BBS7: variants seen among roughly 807,000 people sequenced by gnomAD.
The protein encoded by BBS7 is Bardet-Biedl syndrome 7, also known as BBSome complex member BBS7.
BBS7 carries 50 observed loss-of-function variants against 90.3 expected under a neutral mutation model. The ratio of observed to expected loss-of-function variants is 0.55; its 90% CI spans 0.44 to 0.70. The LOEUF (loss-of-function observed/expected upper bound fraction) is 0.70. Among genes scored for constraint, BBS7 ranks in the 30% least tolerant of loss-of-function variants. BBS7 has a pLI of 0.00. For missense variants in BBS7, 729 were observed against 838.9 expected (o/e 0.87, Z 1.62); for synonymous variants, 235 against 287.4 (o/e 0.82, Z 1.85).
chr4:121,867,914 A>C (rs984802682), intron 2 of BBS7, 67 bp downstream of exon 2: 1 of 1,304,252 alleles, frequency 7.7e-7, no homozygotes, highest in Non-Finnish European at 1.1e-6. Context: ...AATAATAAAG[A>C]AGGAAATAGG....
intron 14 of BBS7, among the ~76,000 whole-genome samples, chr4:121,834,768 T>A (rs1413655763): frequency 6.6e-6 from 1 of 152,154 alleles, no homozygotes; most frequent in Non-Finnish European, 1.5e-5. Context: ...TTTTTCTTTA[T>A]CCTGAGAAGA....
intron 2 of BBS7, among the ~76,000 whole-genome samples, chr4:121,866,763 C>T (rs1727300170): frequency 6.6e-6 from 1 of 152,050 alleles, no homozygotes; most frequent in Non-Finnish European, 1.5e-5. Flanking sequence ...TTTCTGAGTT[C>T]TCTATTCCAT....
rs779471980 is a variant in BBS7 at position 121,835,186 on chromosome 4, G to A, written c.1469C>T (p.Pro490Leu). Residue 490 changes from proline (P) to leucine (L), a missense_variant, in exon 14 of 19, where the codon CCT (proline) becomes CTT (leucine). Coordinates refer to ENST00000264499, the MANE Select transcript of BBS7 (RefSeq NM_176824.3). ...TCQVRQYHIK[P>L]LSLHQRTHFI... ...GTGAGTTCTTTGATGGAGTGAAAGA[G>A]GTTTGATGTGGTACTGGCGGACCTG... is the stretch of plus-strand genomic sequence containing the variant. 1 of 1,613,910 alleles carries A rather than the reference G, an allele frequency of 6.2e-7. No individual in the cohort carries two copies.
chr4:121,866,284 T>G (rs1045905862), intron 2 of BBS7, among the ~76,000 whole-genome samples: 1 of 152,168 alleles, frequency 6.6e-6, no homozygotes, highest in Non-Finnish European at 1.5e-5. Context: ...TCTTATTCAT[T>G]AACTATTTTC....
At chr4:121,866,063 T>C (rs1727255206) in intron 2 of BBS7, among the ~76,000 whole-genome samples, 1 of 152,182 alleles carries the variant, frequency 6.6e-6, no homozygotes, top group Non-Finnish European at 1.5e-5. Flanking sequence ...TTTAATCAGA[T>C]TGCTTGTTTG....
intron 12 of BBS7, among the ~76,000 whole-genome samples, chr4:121,842,014 G>A (rs1725763414): frequency 1.3e-5 from 2 of 152,042 alleles, no homozygotes; most frequent in African/African-American, 4.8e-5. Context: ...CACTTTGGGA[G>A]GCCAAGGCCA....
rs929065022 is a variant in BBS7, at chr4:121,832,497, C to T, written c.1676+734G>A. On this transcript the variant is annotated intron_variant, in intron 15 of 18. Transcript: ENST00000264499. ...AAGTAGGCCATTTCACATTCAGAGA[C>T]AGGTTAAAAAAAGGAAGGAAAAGTT... is the stretch of plus-strand genomic sequence containing the variant. 7.9e-5 allele frequency among the ~76,000 whole-genome samples: 12 copies of T among 151,832 alleles called. No individual in the cohort carries two copies. In the East Asian group the frequency reaches 1.7e-3, roughly 22 times the overall value.
At chr4:121,843,639 A>C (rs1725854523) in intron 12 of BBS7, among the ~76,000 whole-genome samples, 1 of 152,228 alleles carries the variant, frequency 6.6e-6, no homozygotes, top group African/African-American at 2.4e-5. Flanking sequence ...AATACAAAAC[A>C]AATATTCCAA....
chr4:121,869,839 C>A (rs143540648), intron 1 of BBS7, among the ~76,000 whole-genome samples: 1 of 152,126 alleles, frequency 6.6e-6, no homozygotes, highest in Admixed American at 6.5e-5. Flanking sequence ...GCCCCCGGCC[C>A]GGTTTTCATT....
At position 121,845,701 on chromosome 4, in the gene BBS7, AG is replaced by A. The variant is rs1725977809; in HGVS notation, c.1038-6del. 6.2e-7 allele frequency: 1 copy of A among 1,608,758 alleles called. No individual in the cohort carries two copies. Among genetic ancestry groups the A allele is most frequent in the Admixed American group, 1.7e-5 (1 of 59,994 alleles). ...TGCAAATGTTCCAACTCATTCCTGG[AG>A]AAAAACACATACAAATTTGTCAAAT... On this transcript the variant is annotated splice_polypyrimidine_tract_variant and splice_region_variant and intron_variant, in intron 10 of 18. Transcript: ENST00000264499.
At chr4:121,849,332 C>G (rs1316105704) in intron 8 of BBS7, among the ~76,000 whole-genome samples, 1 of 152,144 alleles carries the variant, frequency 6.6e-6, no homozygotes, top group Non-Finnish European at 1.5e-5. Flanking sequence ...CCCAGAGTAG[C>G]TGGGACCAGA....
chr4:121,828,434 C>T lies in BBS7; in HGVS notation c.1858G>A (p.Ala620Thr), dbSNP rs773019785. 6.2e-7 allele frequency: 1 copy of T among 1,613,930 alleles called. No homozygotes were observed. The highest frequency in any genetic ancestry group is 8.5e-7 in the Non-Finnish European group (1 of 1,179,900). Residue 620 changes from alanine (A) to threonine (T), a missense_variant, in exon 17 of 19, where the codon GCT (alanine) becomes ACT (threonine). Transcript: ENST00000264499. ...HPKLEYQLLLAKKVQLIDALK... is the reference protein window; with the variant it reads ...HPKLEYQLLLTKKVQLIDALK... ...GCATCAATTAACTGCACTTTCTTAG[C>T]CAAAAGCAACTGGTACTCCAGCTTT...
intron 6 of BBS7, among the ~76,000 whole-genome samples, 168 bp from the exon 7 acceptor site, chr4:121,854,988 A>G (rs1034546447): frequency 6.6e-6 from 1 of 152,164 alleles, no homozygotes. Context: ...GCTATAAGAG[A>G]TAAGACATTT....
Position 121,845,692 on chromosome 4 carries a change from C to A in BBS7, c.1042G>T (p.Glu348Ter). The change falls in exon 11 of 19, where the codon GAG becomes TAG. Residue 348 changes from glutamate (E) to a stop codon, truncating the protein, a stop_gained. Coordinates refer to ENST00000264499, the MANE Select transcript of BBS7 (RefSeq NM_176824.3). LOFTEE classifies it high-confidence loss of function. Reference protein sequence around the residue: ...MQNKISSLRNELEHLQYKVLQ... With the variant: ...MQNKISSLRN ...ACCTTATACTGCAAATGTTCCAACT[C>A]ATTCCTGGAGAAAAACACATACAAA... 6.2e-7 allele frequency: 1 copy of A among 1,611,442 alleles called. No individual in the cohort carries two copies. The highest frequency in any genetic ancestry group is 1.1e-5 in the South Asian group (1 of 90,950).
intron 12 of BBS7, 102 bp from the exon 13 acceptor site, chr4:121,839,798 T>A: frequency 1.0e-6 from 1 of 970,244 alleles, no homozygotes; most frequent in Non-Finnish European, 1.6e-6. Context: ...TAAGCACCTG[T>A]CATTGGTGCT....
intron 12 of BBS7, among the ~76,000 whole-genome samples, chr4:121,840,388 A>G (rs1417418683): frequency 1.3e-5 from 2 of 152,212 alleles, no homozygotes; most frequent in Non-Finnish European, 2.9e-5. Flanking sequence ...GCAGTGTGAA[A>G]ATGGACTAAT....
intron 13 of BBS7, 142 bp downstream of exon 13, chr4:121,839,489 G>T: frequency 1.4e-6 from 1 of 702,806 alleles, no homozygotes; most frequent in South Asian, 1.6e-5. Flanking sequence ...CATCCTAACT[G>T]GTCATTCAAA....
chr4:121,848,937 G>GT lies in BBS7; in HGVS notation c.850-10dup. 6.2e-7 allele frequency: 1 copy of GT among 1,611,616 alleles called. No individual in the cohort carries two copies. Among genetic ancestry groups the GT allele is most frequent in the Non-Finnish European group, 8.5e-7 (1 of 1,178,224 alleles). ...ACGCTTTCAGACAACATCTAAAAAAGTTTAAGACCAAGCACTTCATTAGTA... is the reference window on the plus strand; with the variant it reads ...ACGCTTTCAGACAACATCTAAAAAAGTTTTAAGACCAAGCACTTCATTAGTA... On this transcript the variant is annotated splice_polypyrimidine_tract_variant and intron_variant, in intron 8 of 18. Coordinates refer to ENST00000264499, the MANE Select transcript of BBS7 (RefSeq NM_176824.3).
intron 14 of BBS7, among the ~76,000 whole-genome samples, chr4:121,834,090 A>G (rs17005256): frequency 0.32 from 48,279 of 152,030 alleles, 8,685 homozygotes; most frequent in East Asian, 0.44. Context: ...CCCTAAAGTA[A>G]CATTAAAAAA....
Sources: allele counts gnomAD v4.1 joint callset (sites outside exome capture counted in the v4.1 genomes callset), GRCh38; gene constraint gnomAD v4.1.1; transcripts MANE v1.5; gene names NCBI Gene and HGNC (gene_info 2026-07-23, HGNC 2026-07-21).